DLG2: variants seen among roughly 807,000 people sequenced by gnomAD.
The protein encoded by DLG2 is disks large homolog 2.
Under a neutral mutation model 132.5 loss-of-function variants are expected in DLG2, and 45 were observed. The observed-to-expected ratio is 0.34, with a 90% confidence interval of 0.27 to 0.44. The LOEUF is 0.44. Among genes scored for constraint, DLG2 ranks in the 20% least tolerant of loss-of-function variants. The probability of loss-of-function intolerance (pLI) is 1.00; values close to 1 mark genes in which losing one functional copy is unlikely to be tolerated. For missense variants in DLG2, 1,045 were observed against 1,196.9 expected (o/e 0.87, Z 1.87); for synonymous variants, 424 against 419.6 (o/e 1.01, Z -0.13).
chr11:85,279,030 T>C (rs942730759), intron 4 of DLG2, among the ~76,000 whole-genome samples: 6 of 152,250 alleles, frequency 3.9e-5, no homozygotes, highest in African/African-American at 1.2e-4. Flanking sequence ...TCCTCTAAAG[T>C]ATAAGATCAA....
chr11:84,394,495 G>A (rs754473868), intron 7 of DLG2, among the ~76,000 whole-genome samples: 5 of 151,766 alleles, frequency 3.3e-5, no homozygotes, highest in Non-Finnish European at 5.9e-5. Context: ...TATTAAGATG[G>A]CTCTTTCTCA....
At chr11:84,611,467 C>G (rs79185628) in intron 6 of DLG2, among the ~76,000 whole-genome samples, 1 of 152,166 alleles carries the variant, frequency 6.6e-6, no homozygotes, top group East Asian at 1.9e-4. Context: ...CCCTGGAAGC[C>G]TGATGGGGTC....
At chr11:84,913,581 T>C (rs1295845043) in intron 6 of DLG2, among the ~76,000 whole-genome samples, 2 of 136,828 alleles carry the variant, frequency 1.5e-5, no homozygotes, top group African/African-American at 2.5e-5. Flanking sequence ...GACATGATTC[T>C]TATCTTATCA....
intron 6 of DLG2, among the ~76,000 whole-genome samples, chr11:84,706,453 G>A (rs1418356642): frequency 6.6e-6 from 1 of 151,716 alleles, no homozygotes; most frequent in Non-Finnish European, 1.5e-5. Flanking sequence ...TTTTCTGAGT[G>A]ATACATTGAA....
rs1323479628 is a variant in DLG2 at position 85,608,380 on chromosome 11, C to T, written c.-92-9592G>A. Among the ~76,000 whole-genome samples, 6 of 152,210 alleles carry T rather than the reference C, an allele frequency of 3.9e-5. No homozygotes were observed. The East Asian group carries it at 9.7e-4, about 25-fold the overall frequency. Reference sequence around the variant, plus strand: ...TCTCTCTGATGGGGAAAAATGGCCACCTGAGGGAAGTATAACTTACAATAC... The same window carrying T: ...TCTCTCTGATGGGGAAAAATGGCCATCTGAGGGAAGTATAACTTACAATAC... On this transcript the variant is annotated intron_variant, in intron 2 of 27. Transcript: ENST00000376104.
chr11:84,765,253 T>C (rs1301306482), intron 6 of DLG2, among the ~76,000 whole-genome samples: 1 of 152,092 alleles, frequency 6.6e-6, no homozygotes, highest in Non-Finnish European at 1.5e-5. Flanking sequence ...TTGAATTATA[T>C]AGTCCCTGTT....
At chr11:85,542,364 C>G (rs1262466006) in intron 3 of DLG2, among the ~76,000 whole-genome samples, 1 of 152,028 alleles carries the variant, frequency 6.6e-6, no homozygotes, top group African/African-American at 2.4e-5. Flanking sequence ...AACTGAGTGG[C>G]AAACAAATGA....
At chr11:85,602,146 C>A (rs940601548) in intron 2 of DLG2, among the ~76,000 whole-genome samples, 1 of 152,132 alleles carries the variant, frequency 6.6e-6, no homozygotes, top group Non-Finnish European at 1.5e-5. Flanking sequence ...CCATCTTTCA[C>A]CCTTCCAATT....
intron 6 of DLG2, among the ~76,000 whole-genome samples, chr11:84,733,997 A>G (rs2063497268): frequency 1.3e-5 from 2 of 152,164 alleles, no homozygotes; most frequent in South Asian, 2.1e-4. Flanking sequence ...ATTGGCCTAT[A>G]TCTCTGTTTT....
At chr11:85,505,969 T>G (rs985825128) in intron 3 of DLG2, among the ~76,000 whole-genome samples, 2 of 152,172 alleles carry the variant, frequency 1.3e-5, no homozygotes, top group African/African-American at 4.8e-5. Context: ...TGTCCAGGAA[T>G]TTATCCATTT....
At chr11:84,559,052 G>C (rs1322061696) in intron 6 of DLG2, among the ~76,000 whole-genome samples, 1 of 152,106 alleles carries the variant, frequency 6.6e-6, no homozygotes, top group Non-Finnish European at 1.5e-5. Context: ...GACTCTGTCA[G>C]TGACCATTCC....
At chr11:84,325,720 AT>A (rs1259536016) in intron 7 of DLG2, among the ~76,000 whole-genome samples, 1 of 151,848 alleles carries the variant, frequency 6.6e-6, no homozygotes, top group Non-Finnish European at 1.5e-5. Context: ...TATTTCTGTG[AT>A]TTTTTTTCTA....
intron 11 of DLG2, among the ~76,000 whole-genome samples, chr11:83,990,164 C>T (rs1431129172): frequency 6.6e-6 from 1 of 152,058 alleles, no homozygotes; most frequent in African/African-American, 2.4e-5. Context: ...GAAGTAAAAT[C>T]AGTGAATATT....
chr11:85,505,502 C>T (rs1171409661), intron 3 of DLG2, among the ~76,000 whole-genome samples: 2 of 151,936 alleles, frequency 1.3e-5, no homozygotes, highest in Admixed American at 1.3e-4. Context: ...CTTTGTTCTG[C>T]TTATATGATG....
intron 6 of DLG2, among the ~76,000 whole-genome samples, chr11:84,994,933 G>A (rs990552197): frequency 2.6e-5 from 4 of 152,098 alleles, no homozygotes; most frequent in Admixed American, 6.5e-5. Context: ...GTGTCCTCTG[G>A]AGTCTTGGGG....
At chr11:85,444,126 C>CT (rs2091905718) in intron 3 of DLG2, among the ~76,000 whole-genome samples, 1 of 152,160 alleles carries the variant, frequency 6.6e-6, no homozygotes, top group South Asian at 2.1e-4. Context: ...CATTCACCTA[C>CT]TACCTCAATG....
chr11:85,401,283 T>G (rs1387301689), intron 3 of DLG2, among the ~76,000 whole-genome samples: 1 of 151,940 alleles, frequency 6.6e-6, no homozygotes. Context: ...TGACAAAATT[T>G]AACAGCCTTT....
chr11:84,863,493 T>C (rs934707503), intron 6 of DLG2, among the ~76,000 whole-genome samples: 1 of 152,170 alleles, frequency 6.6e-6, no homozygotes, highest in African/African-American at 2.4e-5. Flanking sequence ...TGAAATTAAT[T>C]TTATTTCTTA....
At chr11:84,954,843 G>A (rs553438183) in intron 6 of DLG2, among the ~76,000 whole-genome samples, 3 of 152,062 alleles carry the variant, frequency 2.0e-5, no homozygotes, top group Non-Finnish European at 4.4e-5. Context: ...GTATACGCTA[G>A]GCACCGTGCT....
Sources: gnomAD v4.1 joint callset for allele counts (sites outside exome capture counted in the v4.1 genomes callset) on GRCh38, gnomAD v4.1.1 for gene constraint, MANE v1.5 for transcripts, NCBI Gene and HGNC (gene_info 2026-07-23, HGNC 2026-07-21) for gene names.